PLGLB2: variants seen among roughly 807,000 people sequenced by gnomAD.
PLGLB2 encodes plasminogen-like protein B.
rs372020537 is a variant in PLGLB2 at position 87,750,864 on chromosome 2, C to T, written c.50-1383C>T. On this transcript the variant is annotated intron_variant, in intron 1 of 3. Coordinates refer to ENST00000359481, the MANE Select transcript of PLGLB2 (RefSeq NM_002665.4). ...TGTCTTCAGAGCCAGGCTTGTCTCC[C>T]GCTGCCGCCTCCACTGCTCTCCTCG... Among the ~76,000 whole-genome samples the T allele has an allele frequency of 1.2e-4, 17 of 136,014 alleles. No homozygotes were observed. The South Asian group carries it at 2.6e-3, about 21-fold the overall frequency. 89.2% of individuals were successfully genotyped at this position (136,014 alleles called of 152,430 possible). A position where few individuals can be genotyped will look rare whatever the true frequency, so the allele number is the denominator to read the frequency against.
chr2:87,756,626 AT>A (rs1253908131), intron 3 of PLGLB2, 193 bp from the exon 4 acceptor site: 1 of 421,852 alleles, frequency 2.4e-6, no homozygotes, highest in East Asian at 4.3e-5. Flanking sequence ...CATAAGTAGC[AT>A]TTGAATACAT....
chr2:87,751,388 CTTCT>C (rs1240779500), intron 1 of PLGLB2: 1 of 148,270 alleles, frequency 6.7e-6, no homozygotes, highest in Non-Finnish European at 1.5e-5. Context: ...CAAAAATGGC[CTTCT>C]TTGTTGGGGA....
At position 87,758,270 on chromosome 2, in the gene PLGLB2, TAAC is replaced by T; in HGVS notation, c.*1454_*1456del. Among the ~76,000 whole-genome samples, 1 of 139,730 alleles carries T rather than the reference TAAC, an allele frequency of 7.2e-6. No homozygotes were observed. Among genetic ancestry groups the T allele is most frequent in the East Asian group, 2.1e-4 (1 of 4,720 alleles). The allele number at this position is 139,730 out of a possible 152,430, so 91.7% of individuals were successfully genotyped here. A position where few individuals can be genotyped will look rare whatever the true frequency, so the allele number is the denominator to read the frequency against. On this transcript the variant is annotated 3_prime_UTR_variant, in exon 4 of 4. Transcript: ENST00000359481. ...CTTCTCATCTGTAAAACAGGGATAA[TAAC>T]ACCTTCCTCAAATGGTTTTTTTTAT...
chr2:87,750,572 CG>C (rs1365922621), intron 1 of PLGLB2, among the ~76,000 whole-genome samples: 2 of 151,230 alleles, frequency 1.3e-5, no homozygotes, highest in African/African-American at 2.4e-5. Flanking sequence ...TTTTCCAGCC[CG>C]GAATGTCTTA....
chr2:87,748,848 A>ATGTGAG, intron 1 of PLGLB2, among the ~76,000 whole-genome samples: 1 of 107,674 alleles, frequency 9.3e-6, no homozygotes, highest in South Asian at 3.7e-4. Flanking sequence ...CTGTGTGTGA[A>ATGTGAG]TGTGAGTGTG....
chr2:87,756,395 A>G (rs1409591643), intron 3 of PLGLB2: 1 of 149,822 alleles, frequency 6.7e-6, no homozygotes, highest in Non-Finnish European at 1.5e-5. Context: ...TCCCCCATCT[A>G]AAAACCCTTT....
At chr2:87,750,227 AG>A (rs1332096560) in intron 1 of PLGLB2, among the ~76,000 whole-genome samples, 5 of 152,228 alleles carry the variant, frequency 3.3e-5, no homozygotes, top group Admixed American at 2.6e-4. Flanking sequence ...ACTTAATTGA[AG>A]GGGGAAATAA....
chr2:87,750,805 C>T (rs1428721121), intron 1 of PLGLB2, among the ~76,000 whole-genome samples: 3 of 143,008 alleles, frequency 2.1e-5, no homozygotes, highest in Non-Finnish European at 4.7e-5. Context: ...TCTTTCAGAA[C>T]CTCCCCTGAC....
rs1465970521 is a variant in PLGLB2 at position 87,759,008 on chromosome 2, T to C, written c.*2190T>C. On this transcript the variant is annotated 3_prime_UTR_variant, in exon 4 of 4. Transcript: ENST00000359481. ...GCAAAACTTTGCTCAGATCCCAGAATTAACCTGATTTTTTTTTTTTTTTCT... is the reference window on the plus strand; with the variant it reads ...GCAAAACTTTGCTCAGATCCCAGAACTAACCTGATTTTTTTTTTTTTTTCT... Among the ~76,000 whole-genome samples the C allele has an allele frequency of 1.4e-5, 2 of 145,178 alleles. No homozygotes were observed. The highest frequency in any genetic ancestry group is 1.4e-4 in the Admixed American group (2 of 14,604).
chr2:87,756,427 C>T (rs1482326526), intron 3 of PLGLB2: 4 of 182,180 alleles, frequency 2.2e-5, no homozygotes, highest in Non-Finnish European at 4.6e-5. Flanking sequence ...TACTCTGTCT[C>T]ATCATGTATG....
rs1684767321 is a variant in PLGLB2, at chr2:87,757,146, ATTGTTT to A, written c.*331_*336del. On this transcript the variant is annotated 3_prime_UTR_variant, in exon 4 of 4. Coordinates refer to ENST00000359481, the MANE Select transcript of PLGLB2 (RefSeq NM_002665.4). ...TGCTATGTAATCGTTGTTATACTGT[ATTGTTT>A]TTATTTGTATTATGTTTTATTGTCA... 5 of 199,042 alleles carry A rather than the reference ATTGTTT, an allele frequency of 2.5e-5. No individual in the cohort carries two copies. The South Asian group carries it at 4.6e-4, about 18-fold the overall frequency. 12.3% of individuals were successfully genotyped at this position (199,042 alleles called of 1,614,324 possible).
intron 1 of PLGLB2, among the ~76,000 whole-genome samples, chr2:87,750,872 C>T (rs1424582027): frequency 1.5e-5 from 2 of 135,114 alleles, no homozygotes; most frequent in African/African-American, 2.7e-5. Context: ...CCCGCTGCCG[C>T]CTCCACTGCT....
At chr2:87,750,496 T>A (rs962354916) in intron 1 of PLGLB2, among the ~76,000 whole-genome samples, 1 of 151,996 alleles carries the variant, frequency 6.6e-6, no homozygotes, top group African/African-American at 2.4e-5. Context: ...TTTTGATACA[T>A]CTCTCAAGTG....
chr2:87,758,946 TTAA>T lies in PLGLB2; in HGVS notation c.*2133_*2135del, dbSNP rs1238420675. 1.4e-4 allele frequency among the ~76,000 whole-genome samples: 21 copies of T among 146,480 alleles called. No homozygotes were observed. The South Asian group carries it at 3.3e-3, about 23-fold the overall frequency. The stretch of plus-strand genomic sequence containing the variant: ...AAAGCCCCTTCCCACAGGGATATTA[TTAA>T]TAATTGCGTAACGTGTTCACCTCTC... On this transcript the variant is annotated 3_prime_UTR_variant, in exon 4 of 4. Transcript: ENST00000359481.
chr2:87,750,126 G>A (rs1318996360), intron 1 of PLGLB2, among the ~76,000 whole-genome samples: 1 of 152,266 alleles, frequency 6.6e-6, no homozygotes, highest in African/African-American at 2.4e-5. Flanking sequence ...AAAAAAGTTT[G>A]ATTCTGTTTT....
Position 87,759,102 on chromosome 2 carries a change from C to T in PLGLB2, c.*2284C>T, listed in dbSNP as rs1306036492. The stretch of plus-strand genomic sequence containing the variant: ...TGCGATCTCAGCTCACCACAACCTC[C>T]GCCTCCGGGTTCAAGCGATTCTCCT... On this transcript the variant is annotated 3_prime_UTR_variant, in exon 4 of 4. Coordinates refer to ENST00000359481, the MANE Select transcript of PLGLB2 (RefSeq NM_002665.4). Among the ~76,000 whole-genome samples the T allele has an allele frequency of 2.6e-4, 35 of 134,852 alleles. No individual in the cohort carries two copies. The highest frequency in any genetic ancestry group is 5.2e-4 in the African/African-American group (20 of 38,328). 88.5% of individuals were successfully genotyped at this position (134,852 alleles called of 152,430 possible). A position where few individuals can be genotyped will look rare whatever the true frequency, so the allele number is the denominator to read the frequency against.
At chr2:87,756,483 G>A in intron 3 of PLGLB2, 1 of 283,368 alleles carries the variant, frequency 3.5e-6, no homozygotes, top group Admixed American at 4.6e-5. Flanking sequence ...ATTTTATATT[G>A]TTTACTTGAA....
rs1684634577 is a variant in PLGLB2, at chr2:87,750,833, G to T, written c.50-1414G>T. ...CCCCTGACCTCATCTTCCCTGGAGG[G>T]CTCGCTGTCTTCAGAGCCAGGCTTG... On this transcript the variant is annotated intron_variant, in intron 1 of 3. Transcript: ENST00000359481. Among the ~76,000 whole-genome samples the T allele has an allele frequency of 2.9e-5, 4 of 138,154 alleles. 1 individual carries two copies. In the Middle Eastern group the frequency reaches 0.011, roughly 384 times the overall value. 90.6% of individuals were successfully genotyped at this position (138,154 alleles called of 152,430 possible).
intron 1 of PLGLB2, among the ~76,000 whole-genome samples, chr2:87,750,758 C>T (rs1227078508): frequency 3.3e-5 from 5 of 150,948 alleles, no homozygotes; most frequent in African/African-American, 9.7e-5. Flanking sequence ...GGATATTTGT[C>T]ATCAGCATAC....
Sources: gnomAD v4.1 joint callset for allele counts (sites outside exome capture counted in the v4.1 genomes callset) on GRCh38, gnomAD v4.1.1 for gene constraint, MANE v1.5 for transcripts, NCBI Gene and HGNC (gene_info 2026-07-23, HGNC 2026-07-21) for gene names.